The following CYP26A1 variants were observed in gnomAD, a reference collection of about 807,000 sequenced individuals.
CYP26A1 encodes cytochrome P450 family 26 subfamily A member 1, also known as cytochrome P450 26A1.
In CYP26A1, 46 loss-of-function variants were observed where a neutral mutation model predicts 47.4. That is an observed-to-expected ratio of 0.97 (90% confidence interval 0.77 to 1.24). The LOEUF (loss-of-function observed/expected upper bound fraction) is 1.24. CYP26A1 is among the 50% of genes most tolerant of loss of function. The pLI, the probability that CYP26A1 is intolerant of heterozygous loss-of-function variation, is 0.00. For synonymous variants in CYP26A1, 277 were observed against 263.7 expected (o/e 1.05, Z -0.49); for missense variants, 680 against 644.4 (o/e 1.06, Z -0.60).
At chr10:93,076,783 T>G in intron 6 of CYP26A1, 87 bp downstream of exon 6, 1 of 1,103,570 alleles carries the variant, frequency 9.1e-7, no homozygotes, top group Non-Finnish European at 1.3e-6. Flanking sequence ...ATTCTTATGC[T>G]TTTGATAATT....
Position 93,075,865 on chromosome 10 carries a change from C to G in CYP26A1, c.904C>G (p.His302Asp). ...QSSTELLFGGHETTASAATSL... is the reference protein window; with the variant it reads ...QSSTELLFGGDETTASAATSL... ...TTCAACCGAACTCCTCTTTGGAGGA[C>G]ACGAAACCACGGCCAGTGCAGCCAC... The change falls in exon 5 of 7, where the codon CAC becomes GAC. Residue 302 changes from histidine to aspartate, a missense_variant. Transcript: ENST00000224356. The G allele has an allele frequency of 6.2e-7, 1 of 1,610,328 alleles. No individual in the cohort carries two copies. The highest frequency in any genetic ancestry group is 8.5e-7 in the Non-Finnish European group (1 of 1,176,540).
Position 93,074,706 on chromosome 10 carries a change from G to A in CYP26A1, c.415-73G>A. 7.5e-7 allele frequency: 1 copy of A among 1,333,018 alleles called. No homozygotes were observed. The highest frequency in any genetic ancestry group is 1.3e-5 in the South Asian group (1 of 77,208). The allele number at this position is 1,333,018 out of a possible 1,614,324, so 82.6% of individuals were successfully genotyped here. Reference sequence around the variant, plus strand: ...CCATGTGTCTGGCAGGACTGGGGGTGTCTGGAAGGGGACGGCGGTAGACGA... The same window carrying A: ...CCATGTGTCTGGCAGGACTGGGGGTATCTGGAAGGGGACGGCGGTAGACGA... On this transcript the variant is annotated intron_variant, in intron 2 of 6. Transcript: ENST00000224356. The surrounding 1 kb of genome is among the most constrained non-coding windows in gnomAD (Gnocchi z 5.3).
chr10:93,074,130 GAGGGT>G lies in CYP26A1; in HGVS notation c.189+8_189+12del. 6.7e-7 allele frequency: 1 copy of G among 1,502,000 alleles called. No homozygotes were observed. The highest frequency in any genetic ancestry group is 9.1e-7 in the Non-Finnish European group (1 of 1,104,764). 93.0% of individuals were successfully genotyped at this position (1,502,000 alleles called of 1,614,324 possible). A position where few individuals can be genotyped will look rare whatever the true frequency, so the allele number is the denominator to read the frequency against. ...CTTGCAGATGGTACTGCAGGTAAGG[GAGGGT>G]GGGGCGGGACAGGCTGCTTCCCCGG... On this transcript the variant is annotated splice_region_variant and intron_variant, in intron 1 of 6. Coordinates refer to ENST00000224356, the MANE Select transcript of CYP26A1 (RefSeq NM_000783.4). This position sits in a 1 kb window ranked among gnomAD's most constrained non-coding sequence, Gnocchi z 5.3.
In CYP26A1 at chr10:93,075,184, C is replaced by G. The variant is rs753441902; in HGVS notation, c.741C>G (p.Ile247Met). The change falls in exon 4 of 7, where the codon ATC becomes ATG. Residue 247 changes from isoleucine to methionine, a missense_variant. Physicochemically the swap from Ile to Met is conservative, Grantham distance 10 (BLOSUM62 1). Coordinates refer to ENST00000224356, the MANE Select transcript of CYP26A1 (RefSeq NM_000783.4). ...MKARNLIHAR[I>M]EQNIRAKICG... The stretch of plus-strand genomic sequence containing the variant: ...CGCGGAACCTCATTCACGCGCGCAT[C>G]GAGCAGAACATTCGCGCCAAGATCT... 6.8e-6 allele frequency: 11 copies of G among 1,613,804 alleles called. No individual in the cohort carries two copies. The highest frequency in any genetic ancestry group is 6.6e-5 in the South Asian group (6 of 91,080).
rs773872189 is a variant in CYP26A1 at position 93,076,632 on chromosome 10, C to A, written c.1088C>A (p.Thr363Asn). The change falls in exon 6 of 7, where the codon ACC (threonine) becomes AAC (asparagine). Residue 363 changes from threonine to asparagine, a missense_variant. Transcript: ENST00000224356. The stretch of plus-strand genomic sequence containing the variant: ...TACATCGGGTGTGTTATTAAGGAGA[C>A]CCTTCGACTGAATCCCCCAGTTCCA... ...LKYIGCVIKE[T>N]LRLNPPVPGG... 11 of 1,608,842 alleles carry A rather than the reference C, an allele frequency of 6.8e-6. No homozygotes were observed. The highest frequency in any genetic ancestry group is 1.7e-6 in the Non-Finnish European group (2 of 1,175,364).
Position 93,074,902 on chromosome 10 carries a change from G to GA in CYP26A1, c.539dup (p.Val181GlyfsTer153). 1.9e-6 allele frequency: 3 copies of GA among 1,613,192 alleles called. No homozygotes were observed. The highest frequency in any genetic ancestry group is 2.5e-6 in the Non-Finnish European group (3 of 1,180,034). Reference sequence around the variant, plus strand: ...CGAGCGCGGCCTCCTGGTCTACCCCGAGGTGAAGCGCCTCATGTTCCGAAT... The same window carrying GA: ...CGAGCGCGGCCTCCTGGTCTACCCCGAAGGTGAAGCGCCTCATGTTCCGAAT... On this transcript the variant is annotated frameshift_variant, in exon 3 of 7. Coordinates refer to ENST00000224356, the MANE Select transcript of CYP26A1 (RefSeq NM_000783.4). LOFTEE classifies it high-confidence loss of function. The surrounding 1 kb of genome is among the most constrained non-coding windows in gnomAD (Gnocchi z 5.3).
At chr10:93,076,451 G>A (rs528442690) in intron 5 of CYP26A1, 93 bp from the exon 6 acceptor site, 160 of 829,948 alleles carry the variant, frequency 1.9e-4, no homozygotes, top group Non-Finnish European at 2.9e-4. Flanking sequence ...GGCCCTTTGG[G>A]TTTAGTCTCC....
chr10:93,075,724 C>G, intron 4 of CYP26A1, 102 bp from the exon 5 acceptor site: 1 of 839,358 alleles, frequency 1.2e-6, no homozygotes, highest in Non-Finnish European at 2.0e-6. Flanking sequence ...AAACATTTAG[C>G]CCTTCTAGTC....
chr10:93,073,996 T>G lies in CYP26A1; in HGVS notation c.62T>G (p.Phe21Cys). ...LCTFVLPLLL[F>C]LAAIKLWDLY... ...ACCTTCGTGCTGCCGCTGCTGCTCTTCCTGGCTGCGATCAAGCTCTGGGAC... is the reference window on the plus strand; with the variant it reads ...ACCTTCGTGCTGCCGCTGCTGCTCTGCCTGGCTGCGATCAAGCTCTGGGAC... The change falls in exon 1 of 7, where the codon TTC (phenylalanine) becomes TGC (cysteine). Residue 21 changes from phenylalanine to cysteine, a missense_variant. Physicochemically the swap from Phe to Cys is radical, Grantham distance 205. Transcript: ENST00000224356. 1 of 1,576,706 alleles carries G rather than the reference T, an allele frequency of 6.3e-7. No homozygotes were observed. Among genetic ancestry groups the G allele is most frequent in the Non-Finnish European group, 8.7e-7 (1 of 1,147,456 alleles).
chr10:93,075,985 T>A, intron 5 of CYP26A1, 25 bp downstream of exon 5: 1 of 1,598,694 alleles, frequency 6.3e-7, no homozygotes, highest in African/African-American at 1.3e-5. Flanking sequence ...TCTGGGGGTG[T>A]CCTTATTAGC....
rs776322111 is a variant in CYP26A1, at chr10:93,074,372, G to C, written c.254G>C (p.Gly85Ala). ...YGFIYKTHLF[G>A]RPTVRVMGAD... is the part of the protein sequence containing the mutation. ...TTCATCTACAAGACGCATCTGTTCG[G>C]GCGGCCCACCGTACGGGTGATGGGC... The change falls in exon 2 of 7, where the codon GGG (glycine) becomes GCG (alanine). Residue 85 changes from glycine to alanine, a missense_variant. Gly to Ala is a moderately conservative substitution (Grantham distance 60, BLOSUM62 0). Coordinates refer to ENST00000224356, the MANE Select transcript of CYP26A1 (RefSeq NM_000783.4). The surrounding 1 kb of genome is among the most constrained non-coding windows in gnomAD (Gnocchi z 5.3). 6.2e-7 allele frequency: 1 copy of C among 1,612,520 alleles called. No individual in the cohort carries two copies. Among genetic ancestry groups the C allele is most frequent in the Non-Finnish European group, 8.5e-7 (1 of 1,179,262 alleles).
Position 93,074,255 on chromosome 10 carries a change from C to T in CYP26A1, c.190-53C>T, listed in dbSNP as rs934602790. The T allele has an allele frequency of 5.3e-6, 8 of 1,504,026 alleles. 1 individual carries two copies. The South Asian group carries it at 9.2e-5, about 17-fold the overall frequency. 93.2% of individuals were successfully genotyped at this position (1,504,026 alleles called of 1,614,324 possible). On this transcript the variant is annotated intron_variant, in intron 1 of 6. Transcript: ENST00000224356. The surrounding 1 kb of genome is among the most constrained non-coding windows in gnomAD (Gnocchi z 5.3). Reference sequence around the variant, plus strand: ...AGGAGCAGGGCTGGCGGGAGCGCGGCGCTCCCCGGCGCCCCCTCATGCCCA... The same window carrying T: ...AGGAGCAGGGCTGGCGGGAGCGCGGTGCTCCCCGGCGCCCCCTCATGCCCA...
chr10:93,074,981 C>G lies in CYP26A1; in HGVS notation c.617C>G (p.Ser206Cys). The change falls in exon 3 of 7, where the codon TCC becomes TGC. Residue 206 changes from serine to cysteine, a missense_variant. Coordinates refer to ENST00000224356, the MANE Select transcript of CYP26A1 (RefSeq NM_000783.4). The surrounding 1 kb of genome is among the most constrained non-coding windows in gnomAD (Gnocchi z 5.3). ...CEPQLAGDGD[S>C]EQQLVEAFEE... ...CCCCAACTGGCGGGCGACGGGGACT[C>G]CGAGCAGCAGCTTGTGGAGGCCTTC... The G allele has an allele frequency of 5.0e-6, 8 of 1,613,140 alleles. No homozygotes were observed. Among genetic ancestry groups the G allele is most frequent in the Non-Finnish European group, 6.8e-6 (8 of 1,180,026 alleles).
Position 93,077,020 on chromosome 10 carries a change from G to A in CYP26A1, c.1210G>A (p.Val404Met), listed in dbSNP as rs1281670690. The change falls in exon 7 of 7, where the codon GTG becomes ATG. Residue 404 changes from valine to methionine, a missense_variant. Val to Met is a conservative substitution (Grantham distance 21). Coordinates refer to ENST00000224356, the MANE Select transcript of CYP26A1 (RefSeq NM_000783.4). ...CTACAGTATCTGTGATACTCATGATGTGGCAGAGATCTTCACCAACAAGGA... is the reference window on the plus strand; with the variant it reads ...CTACAGTATCTGTGATACTCATGATATGGCAGAGATCTTCACCAACAAGGA... The part of the protein sequence containing the change: ...VIYSICDTHD[V>M]AEIFTNKEEF... 1 of 1,613,602 alleles carries A rather than the reference G, an allele frequency of 6.2e-7. No individual in the cohort carries two copies. The highest frequency in any genetic ancestry group is 1.3e-5 in the African/African-American group (1 of 74,850).
upstream of CYP26A1, chr10:93,073,845 C>A: frequency 1.6e-6 from 1 of 613,710 alleles, no homozygotes; most frequent in Non-Finnish European, 2.9e-6. Flanking sequence ...GTAACGTGGG[C>A]AGCAACCTGG....
At position 93,074,240 on chromosome 10, in the gene CYP26A1, C is replaced by A; in HGVS notation, c.190-68C>A. The A allele has an allele frequency of 1.3e-6, 2 of 1,518,390 alleles. No individual in the cohort carries two copies. Among genetic ancestry groups the A allele is most frequent in the South Asian group, 1.2e-5 (1 of 86,196 alleles). 94.1% of individuals were successfully genotyped at this position (1,518,390 alleles called of 1,614,324 possible). ...CATGCTATTGCGGCTAGGAGCAGGGCTGGCGGGAGCGCGGCGCTCCCCGGC... is the reference window on the plus strand; with the variant it reads ...CATGCTATTGCGGCTAGGAGCAGGGATGGCGGGAGCGCGGCGCTCCCCGGC... On this transcript the variant is annotated intron_variant, in intron 1 of 6. Transcript: ENST00000224356. This position sits in a 1 kb window ranked among gnomAD's most constrained non-coding sequence, Gnocchi z 5.3.
In CYP26A1 at chr10:93,075,205, G is replaced by C; in HGVS notation, c.762G>C (p.Lys254Asn). The change falls in exon 4 of 7, where the codon AAG becomes AAC. Residue 254 changes from lysine (K) to asparagine (N), a missense_variant. Lys to Asn is a moderately conservative substitution (Grantham distance 94). Coordinates refer to ENST00000224356, the MANE Select transcript of CYP26A1 (RefSeq NM_000783.4). ...HARIEQNIRA[K>N]ICGLRASEAG... ...GCATCGAGCAGAACATTCGCGCCAA[G>C]ATCTGCGGGCTGCGGGCATCCGAGG... is the stretch of plus-strand genomic sequence containing the variant. The C allele has an allele frequency of 6.2e-7, 1 of 1,613,954 alleles. No individual in the cohort carries two copies. The highest frequency in any genetic ancestry group is 8.5e-7 in the Non-Finnish European group (1 of 1,179,980).
chr10:93,074,506 G>A lies in CYP26A1; in HGVS notation c.388G>A (p.Asp130Asn). The A allele has an allele frequency of 3.1e-6, 5 of 1,607,992 alleles. No individual in the cohort carries two copies. The highest frequency in any genetic ancestry group is 4.3e-6 in the Non-Finnish European group (5 of 1,175,214). ...LGSGCLSNLH[D>N]SSHKQRKKVI... ...ATCTGGCTGCCTCTCTAACCTGCAC[G>A]ACTCCTCGCACAAGCAGCGCAAGAA... The change falls in exon 2 of 7, where the codon GAC becomes AAC. Residue 130 changes from aspartate to asparagine, a missense_variant. Asp to Asn is a conservative substitution (Grantham distance 23). Coordinates refer to ENST00000224356, the MANE Select transcript of CYP26A1 (RefSeq NM_000783.4). This position sits in a 1 kb window ranked among gnomAD's most constrained non-coding sequence, Gnocchi z 5.3.
chr10:93,074,593 G>T lies in CYP26A1; in HGVS notation c.414+61G>T. The T allele has an allele frequency of 8.4e-7, 1 of 1,189,010 alleles. No individual in the cohort carries two copies. Among genetic ancestry groups the T allele is most frequent in the Non-Finnish European group, 1.3e-6 (1 of 796,586 alleles). 73.7% of individuals were successfully genotyped at this position (1,189,010 alleles called of 1,614,324 possible). The stretch of plus-strand genomic sequence containing the variant: ...GACCCCATTTATGAGCGGAATTCCG[G>T]CTGATGGATGCTAGGCGCGGGCTAG... On this transcript the variant is annotated intron_variant, in intron 2 of 6. Coordinates refer to ENST00000224356, the MANE Select transcript of CYP26A1 (RefSeq NM_000783.4). This position sits in a 1 kb window ranked among gnomAD's most constrained non-coding sequence, Gnocchi z 5.3.
Sources: gnomAD v4.1 joint callset for allele counts on GRCh38, gnomAD v4.1.1 for gene constraint, Gnocchi (gnomAD v3.1) non-coding constraint, MANE v1.5 for transcripts, NCBI Gene and HGNC (gene_info 2026-07-23, HGNC 2026-07-21) for gene names.